Variants in ARHGEF2 observed in about 807,000 individuals in gnomAD.
ARHGEF2 encodes the protein rho guanine nucleotide exchange factor 2.
Under a neutral mutation model 121.0 loss-of-function variants are expected in ARHGEF2, and 22 were observed. The ratio of observed to expected loss-of-function variants is 0.18; its 90% confidence interval spans 0.13 to 0.26. The LOEUF (loss-of-function observed/expected upper bound fraction) is 0.26, where lower values mean the gene tolerates loss of function less well. Among genes scored for constraint, ARHGEF2 ranks in the 10% least tolerant of loss-of-function variants. The probability of loss-of-function intolerance (pLI) is 1.00; values close to 1 mark genes in which losing one functional copy is unlikely to be tolerated. For synonymous variants in ARHGEF2, 487 were observed against 530.0 expected (o/e 0.92, Z 1.11); for missense variants, 907 against 1,336.0 (o/e 0.68, Z 5.01).
In ARHGEF2 at chr1:155,965,375, T is replaced by A. The variant is rs748949505; in HGVS notation, c.508A>T (p.Ile170Phe). ...NDESPLGLRR[I>F]LSQSTDSLNM... is the part of the protein sequence containing the mutation. ...AGGGAGTCTGTGGACTGTGAGAGGA[T>A]CCGGCGCAGCCCCAGGGGAGACTCA... is the stretch of plus-strand genomic sequence containing the variant. Residue 170 changes from isoleucine (I) to phenylalanine (F), a missense_variant, in exon 6 of 22, where the codon ATC becomes TTC. Ile to Phe is a conservative substitution (Grantham distance 21, BLOSUM62 0). This residue lies in a region of ARHGEF2 where 475 missense variants were observed against 776.5 expected (regional missense o/e 0.61). Coordinates refer to ENST00000361247, the MANE Select transcript of ARHGEF2 (RefSeq NM_001162383.2). This position sits in a 1 kb window ranked among gnomAD's most constrained non-coding sequence, Gnocchi z 6.0. 6.2e-7 allele frequency: 1 copy of A among 1,614,126 alleles called. No homozygotes were observed. The highest frequency in any genetic ancestry group is 8.5e-7 in the Non-Finnish European group (1 of 1,180,004).
At position 155,978,386 on chromosome 1, in the gene ARHGEF2, C is replaced by G. The variant is rs956566549; in HGVS notation, c.42G>C (p.Arg14=). The G allele has an allele frequency of 3.3e-6, 5 of 1,521,226 alleles. No homozygotes were observed. The highest frequency in any genetic ancestry group is 1.4e-5 in the African/African-American group (1 of 71,986). 94.2% of individuals were successfully genotyped at this position (1,521,226 alleles called of 1,614,324 possible). A position where few individuals can be genotyped will look rare whatever the true frequency, so the allele number is the denominator to read the frequency against. Reference sequence around the variant, plus strand: ...CCACCTTGCTCGCCAGCTCTCTGCTCCGGTCGATCCGCGCCCGCGTGAGGG... The same window carrying G: ...CCACCTTGCTCGCCAGCTCTCTGCTGCGGTCGATCCGCGCCCGCGTGAGGG... The part of the protein sequence containing the change: ...IESLTRARID[R]SRELASKTRE... The change falls in exon 1 of 22, where the codon CGG becomes CGC. Residue 14 remains arginine, a synonymous_variant. Transcript: ENST00000361247. This position sits in a 1 kb window ranked among gnomAD's most constrained non-coding sequence, Gnocchi z 4.1.
At chr1:155,963,529 A>G (rs1019163215) in intron 7 of ARHGEF2, among the ~76,000 whole-genome samples, 6 of 151,326 alleles carry the variant, frequency 4.0e-5, no homozygotes, top group Non-Finnish European at 8.8e-5. Flanking sequence ...TATTTTTAGT[A>G]GAGATGGGGT....
intron 13 of ARHGEF2, among the ~76,000 whole-genome samples, chr1:155,957,311 T>A (rs1158068018): frequency 6.6e-6 from 1 of 152,238 alleles, no homozygotes; most frequent in Non-Finnish European, 1.5e-5. Flanking sequence ...CTAGTATCGA[T>A]GCTTTCATTA....
rs542421896 is a variant in ARHGEF2, at chr1:155,947,341, C to T, written c.*601G>A. 1 of 456,554 alleles carries T rather than the reference C, an allele frequency of 2.2e-6. No homozygotes were observed. Among genetic ancestry groups the T allele is most frequent in the South Asian group, 1.5e-5 (1 of 64,552 alleles). The allele number at this position is 456,554 out of a possible 1,614,324, so 28.3% of individuals were successfully genotyped here. A position where few individuals can be genotyped will look rare whatever the true frequency, so the allele number is the denominator to read the frequency against. On this transcript the variant is annotated 3_prime_UTR_variant, in exon 22 of 22. Coordinates refer to ENST00000361247, the MANE Select transcript of ARHGEF2 (RefSeq NM_001162383.2). ...ATTATGGCCACCCCAACCTTTATTC[C>T]ATCAACTCCAGGAAGCCAGGTTATC...
Position 155,961,939 on chromosome 1 carries a change from C to A in ARHGEF2, c.1220-30G>T. 6.2e-7 allele frequency: 1 copy of A among 1,612,530 alleles called. No individual in the cohort carries two copies. Among genetic ancestry groups the A allele is most frequent in the Non-Finnish European group, 8.5e-7 (1 of 1,178,932 alleles). ...CACCGGGGGTTGGCATGGGGAACGG[C>A]TCAACCAGTTTCACTCACACCCCAG... is the stretch of plus-strand genomic sequence containing the variant. On this transcript the variant is annotated intron_variant, in intron 10 of 21. Transcript: ENST00000361247. The surrounding 1 kb of genome is among the most constrained non-coding windows in gnomAD (Gnocchi z 4.7).
chr1:155,958,388 C>T lies in ARHGEF2; in HGVS notation c.1477G>A (p.Val493Met), dbSNP rs758216329. ...ACCAGTACATCTGTCATCAGCAGCA[C>T]TAGCACATCTGGAAGGGGATGAAGG... Reference protein sequence around the residue: ...TATGRFKDVLVLLMTDVLVFL... With the variant: ...TATGRFKDVLMLLMTDVLVFL... The change falls in exon 12 of 22, where the codon GTG becomes ATG. Residue 493 changes from valine (V) to methionine (M), a missense_variant. This residue lies in a region of ARHGEF2 where 475 missense variants were observed against 776.5 expected (regional missense o/e 0.61). Coordinates refer to ENST00000361247, the MANE Select transcript of ARHGEF2 (RefSeq NM_001162383.2). The T allele has an allele frequency of 5.0e-6, 8 of 1,613,710 alleles. No individual in the cohort carries two copies. Among genetic ancestry groups the T allele is most frequent in the Non-Finnish European group, 5.9e-6 (7 of 1,179,716 alleles).
rs1558025422 is a variant in ARHGEF2, at chr1:155,962,752, TC to T, written c.976-35del. ...TGGTCGAGTAAGGTTAGGTCAGCATTCCCCCAAAGCCACACTTTACCCACTG... is the reference window on the plus strand; with the variant it reads ...TGGTCGAGTAAGGTTAGGTCAGCATTCCCCAAAGCCACACTTTACCCACTG... On this transcript the variant is annotated intron_variant, in intron 8 of 21. Coordinates refer to ENST00000361247, the MANE Select transcript of ARHGEF2 (RefSeq NM_001162383.2). The surrounding 1 kb of genome is among the most constrained non-coding windows in gnomAD (Gnocchi z 5.8). The T allele has an allele frequency of 6.2e-7, 1 of 1,613,172 alleles. No individual in the cohort carries two copies. The highest frequency in any genetic ancestry group is 8.5e-7 in the Non-Finnish European group (1 of 1,179,542).
chr1:155,947,721 A>G lies in ARHGEF2; in HGVS notation c.*221T>C, dbSNP rs921516869. On this transcript the variant is annotated 3_prime_UTR_variant, in exon 22 of 22. Coordinates refer to ENST00000361247, the MANE Select transcript of ARHGEF2 (RefSeq NM_001162383.2). ...AAGTTGCGGGAAGAAGGCATGAACCACTGGCATCTGTGGTGTAGCTTTCGG... is the reference window on the plus strand; with the variant it reads ...AAGTTGCGGGAAGAAGGCATGAACCGCTGGCATCTGTGGTGTAGCTTTCGG... 2.4e-5 allele frequency: 13 copies of G among 542,768 alleles called. No homozygotes were observed. Among genetic ancestry groups the G allele is most frequent in the African/African-American group, 5.7e-5 (3 of 52,540 alleles). 33.6% of individuals were successfully genotyped at this position (542,768 alleles called of 1,614,324 possible).
rs757259766 is a variant in ARHGEF2, at chr1:155,969,156, T to C, written c.208A>G (p.Thr70Ala). ...ITAKEALICP[T>A]CNVTIHNRCK... ...GACTCTCAGGGTCCAAACAACTTAC[T>C]TGGGCAGATGAGGGCTTCCTTGGCT... Residue 70 changes from threonine to alanine, a missense_variant and splice_region_variant, in exon 2 of 22, where the codon ACC becomes GCC. Coordinates refer to ENST00000361247, the MANE Select transcript of ARHGEF2 (RefSeq NM_001162383.2). 7 of 1,614,078 alleles carry C rather than the reference T, an allele frequency of 4.3e-6. No individual in the cohort carries two copies. The highest frequency in any genetic ancestry group is 1.3e-5 in the African/African-American group (1 of 75,040).
rs1015511663 is a variant in ARHGEF2 at position 155,962,363 on chromosome 1, G to A, written c.1102-141C>T. Reference sequence around the variant, plus strand: ...ATATCTGGAAAATGGGGATAACAACGCCACAGGTTTGTTGTGAGGACCAAC... The same window carrying A: ...ATATCTGGAAAATGGGGATAACAACACCACAGGTTTGTTGTGAGGACCAAC... On this transcript the variant is annotated intron_variant, in intron 9 of 21. Transcript: ENST00000361247. The surrounding 1 kb of genome is among the most constrained non-coding windows in gnomAD (Gnocchi z 5.8). 110 of 1,039,500 alleles carry A rather than the reference G, an allele frequency of 1.1e-4. No individual in the cohort carries two copies. Among genetic ancestry groups the A allele is most frequent in the Non-Finnish European group, 6.6e-5 (47 of 712,282 alleles). 64.4% of individuals were successfully genotyped at this position (1,039,500 alleles called of 1,614,324 possible).
chr1:155,978,207 C>A lies in ARHGEF2; in HGVS notation c.63+158G>T, dbSNP rs984458152. On this transcript the variant is annotated intron_variant, in intron 1 of 21. Coordinates refer to ENST00000361247, the MANE Select transcript of ARHGEF2 (RefSeq NM_001162383.2). This position sits in a 1 kb window ranked among gnomAD's most constrained non-coding sequence, Gnocchi z 4.1. ...CCCCCCACCCCTACCCACTCGCTCG[C>A]AGTCCCCACCCACCCCGTCCCGCCG... is the stretch of plus-strand genomic sequence containing the variant. 44 of 1,300,150 alleles carry A rather than the reference C, an allele frequency of 3.4e-5. No homozygotes were observed. Among genetic ancestry groups the A allele is most frequent in the Non-Finnish European group, 4.2e-5 (43 of 1,012,910 alleles). The allele number at this position is 1,300,150 out of a possible 1,614,324, so 80.5% of individuals were successfully genotyped here. A position where few individuals can be genotyped will look rare whatever the true frequency, so the allele number is the denominator to read the frequency against.
chr1:155,974,912 G>A (rs777238521), intron 1 of ARHGEF2, among the ~76,000 whole-genome samples: 1 of 152,068 alleles, frequency 6.6e-6, no homozygotes, highest in Non-Finnish European at 1.5e-5. Flanking sequence ...GCTGTGCCAG[G>A]ACTCCCTGCC....
At chr1:155,973,472 G>A (rs1005284645) in intron 1 of ARHGEF2, among the ~76,000 whole-genome samples, 1 of 152,120 alleles carries the variant, frequency 6.6e-6, no homozygotes, top group Non-Finnish European at 1.5e-5. Context: ...CAGGCCGAGC[G>A]CAGTGGCTCA....
intron 13 of ARHGEF2, among the ~76,000 whole-genome samples, chr1:155,957,486 C>T (rs1018537761): frequency 6.6e-6 from 1 of 152,246 alleles, no homozygotes; most frequent in Non-Finnish European, 1.5e-5. Context: ...CTTGTCAGCT[C>T]ATGCTGAATT....
chr1:155,957,981 A>G, intron 12 of ARHGEF2, 99 bp from the exon 13 acceptor site: 1 of 1,282,548 alleles, frequency 7.8e-7, no homozygotes, highest in Middle Eastern at 2.2e-4. Flanking sequence ...AGGACTGAAG[A>G]GTCATCTTAC....
chr1:155,963,075 C>A lies in ARHGEF2; in HGVS notation c.833G>T (p.Gly278Val). Reference protein sequence around the residue: ...ELHLEPGVVQGLFPCVDELSD... With the variant: ...ELHLEPGVVQVLFPCVDELSD... ...GAGCTCGTCCACGCAGGGGAACAGG[C>A]CCTGGACCACTCCTGGCTCCAAGTG... The change falls in exon 8 of 22, where the codon GGC becomes GTC. Residue 278 changes from glycine to valine, a missense_variant. Around this residue, in one of 2 missense-constraint regions of ARHGEF2, gnomAD observed 475 missense variants for 776.5 expected, o/e 0.61. Coordinates refer to ENST00000361247, the MANE Select transcript of ARHGEF2 (RefSeq NM_001162383.2). The A allele has an allele frequency of 6.2e-7, 1 of 1,614,128 alleles. No homozygotes were observed. The highest frequency in any genetic ancestry group is 8.5e-7 in the Non-Finnish European group (1 of 1,180,018).
In ARHGEF2 at chr1:155,952,699, CTGGGCAGGG is replaced by C. The variant is rs1423786236; in HGVS notation, c.1904_1912del (p.Thr635_Pro637del). ...AAGGGACTCAGAGCGGAAAAGGCCC[CTGGGCAGGG>C]TGGGCAGGGCCATCCCACTGCCACC... On this transcript the variant is annotated inframe_deletion, in exon 15 of 22. Coordinates refer to ENST00000361247, the MANE Select transcript of ARHGEF2 (RefSeq NM_001162383.2). 11 of 1,614,220 alleles carry C rather than the reference CTGGGCAGGG, an allele frequency of 6.8e-6. No individual in the cohort carries two copies. The highest frequency in any genetic ancestry group is 9.3e-6 in the Non-Finnish European group (11 of 1,180,034).
In ARHGEF2 at chr1:155,950,901, G is replaced by T. The variant is rs1278984333; in HGVS notation, c.2631C>A (p.Arg877=). The T allele has an allele frequency of 6.3e-7, 1 of 1,590,734 alleles. No homozygotes were observed. Among genetic ancestry groups the T allele is most frequent in the African/African-American group, 1.3e-5 (1 of 74,232 alleles). ...EPLPAEAPWA[R]RPVDPRRRSL... is the part of the protein sequence containing the mutation. The stretch of plus-strand genomic sequence containing the variant: ...TGCGCCGCCGAGGATCCACAGGTCT[G>T]CGGGCCCAGGGGGCCTCAGCTGGGA... Residue 877 remains arginine, a synonymous_variant, in exon 20 of 22, where the codon CGC becomes CGA. Coordinates refer to ENST00000361247, the MANE Select transcript of ARHGEF2 (RefSeq NM_001162383.2). The surrounding 1 kb of genome is among the most constrained non-coding windows in gnomAD (Gnocchi z 5.2).
intron 11 of ARHGEF2, among the ~76,000 whole-genome samples, chr1:155,960,636 G>A (rs535644356): frequency 1.3e-5 from 2 of 152,196 alleles, no homozygotes; most frequent in South Asian, 2.1e-4. Flanking sequence ...TAGCTGCTGC[G>A]TGGGAGAGAT....
Sources: gnomAD v4.1 joint callset for allele counts (sites outside exome capture counted in the v4.1 genomes callset) on GRCh38, gnomAD v4.1.1 for gene constraint, gnomAD v4.1.1 regional missense constraint, Gnocchi (gnomAD v3.1) non-coding constraint, MANE v1.5 for transcripts, NCBI Gene and HGNC (gene_info 2026-07-23, HGNC 2026-07-21) for gene names.